NRG3: variants seen among roughly 807,000 people sequenced by gnomAD.
The protein encoded by NRG3 is neuregulin 3, also known as pro-neuregulin-3, membrane-bound isoform.
In NRG3, 31 loss-of-function variants were observed where a neutral mutation model predicts 66.9. That is an observed-to-expected ratio of 0.46 (90% CI 0.35 to 0.63). The LOEUF is 0.63. NRG3 is among the 20% of genes least tolerant of loss of function. The probability of loss-of-function intolerance (pLI) is 0.00; values close to 1 mark genes in which losing one functional copy is unlikely to be tolerated. For missense variants in NRG3, 910 were observed against 878.9 expected (o/e 1.04, Z -0.45); for synonymous variants, 393 against 359.4 (o/e 1.09, Z -1.06).
chr10:82,192,489 C>T (rs900822045), intron 1 of NRG3, among the ~76,000 whole-genome samples: 4 of 152,096 alleles, frequency 2.6e-5, no homozygotes, highest in Admixed American at 6.6e-5. Flanking sequence ...AAGATATCCA[C>T]CTATTGTCTA....
chr10:82,670,941 G>A (rs2053222054), intron 2 of NRG3, among the ~76,000 whole-genome samples: 1 of 152,148 alleles, frequency 6.6e-6, no homozygotes, highest in African/African-American at 2.4e-5. Flanking sequence ...CTCCTTAGAG[G>A]GTTGAACAAG....
At chr10:82,671,939 C>A (rs183869402) in intron 2 of NRG3, among the ~76,000 whole-genome samples, 18 of 152,332 alleles carry the variant, frequency 1.2e-4, no homozygotes, top group Admixed American at 1.2e-3. Flanking sequence ...CTACTCTCTT[C>A]ACTGTCTATA....
intron 1 of NRG3, chr10:82,228,962 T>G (rs775043211): frequency 2.0e-5 from 3 of 152,284 alleles, no homozygotes; most frequent in Non-Finnish European, 2.9e-5. Context: ...TGAAGCAAGC[T>G]TCAAGGGAAA....
At chr10:82,251,380 G>C (rs1407437158) in intron 1 of NRG3, among the ~76,000 whole-genome samples, 1 of 152,144 alleles carries the variant, frequency 6.6e-6, no homozygotes, top group East Asian at 1.9e-4. Flanking sequence ...TTGTCCTGCT[G>C]AGCGACAGGA....
chr10:81,987,585 G>T lies in NRG3; in HGVS notation c.823+111422G>T, dbSNP rs368088690. On this transcript the variant is annotated intron_variant, in intron 1 of 8. Coordinates refer to ENST00000372141, the MANE Select transcript of NRG3 (RefSeq NM_001010848.4). ...CAAATGGCAAAATGGCTTTTGGAGG[G>T]TATGTAATGTAGTTAAAATTTGATT... Among the ~76,000 whole-genome samples, 21 of 152,248 alleles carry T rather than the reference G, an allele frequency of 1.4e-4. No individual in the cohort carries two copies. The East Asian group carries it at 2.7e-3, about 20-fold the overall frequency.
At chr10:82,429,288 TTAAC>T (rs1325959588) in intron 2 of NRG3, among the ~76,000 whole-genome samples, 3 of 152,108 alleles carry the variant, frequency 2.0e-5, no homozygotes, top group Non-Finnish European at 4.4e-5. Flanking sequence ...CCTATGTACT[TTAAC>T]TAGTGCTTTT....
At chr10:82,199,360 C>G (rs2074646254) in intron 1 of NRG3, among the ~76,000 whole-genome samples, 2 of 152,110 alleles carry the variant, frequency 1.3e-5, no homozygotes, top group African/African-American at 2.4e-5. Context: ...GCTTCTCTCC[C>G]TGCACTCTAA....
chr10:82,420,228 CAG>C (rs1428733887), intron 2 of NRG3, among the ~76,000 whole-genome samples: 1 of 152,106 alleles, frequency 6.6e-6, no homozygotes, highest in Non-Finnish European at 1.5e-5. Context: ...AAACAATCCT[CAG>C]AGATCTTGTC....
In NRG3 at chr10:82,044,550, C is replaced by A. The variant is rs1336675331; in HGVS notation, c.823+168387C>A. 2.0e-5 allele frequency among the ~76,000 whole-genome samples: 3 copies of A among 152,108 alleles called. No individual in the cohort carries two copies. In the East Asian group the frequency reaches 5.8e-4, roughly 30 times the overall value. On this transcript the variant is annotated intron_variant, in intron 1 of 8. Transcript: ENST00000372141. ...ATCAGTGTTTTTCCCCCATTAACAT[C>A]ATAACGAAATAATTTTTTTTAATTT... is the stretch of plus-strand genomic sequence containing the variant.
intron 5 of NRG3, among the ~76,000 whole-genome samples, chr10:82,954,207 AC>A (rs1477127049): frequency 1.3e-5 from 2 of 151,970 alleles, no homozygotes; most frequent in Non-Finnish European, 2.9e-5. Flanking sequence ...CTTAACAATA[AC>A]CAAATTACAA....
intron 1 of NRG3, among the ~76,000 whole-genome samples, chr10:82,312,772 G>A (rs1175789565): frequency 2.6e-5 from 4 of 151,692 alleles, no homozygotes; most frequent in Admixed American, 2.0e-4. Flanking sequence ...CTCCCTTAGA[G>A]CTTTCTTTTT....
At chr10:82,474,600 G>A (rs2132084263) in intron 2 of NRG3, among the ~76,000 whole-genome samples, 1 of 152,240 alleles carries the variant, frequency 6.6e-6, no homozygotes, top group East Asian at 1.9e-4. Context: ...GAAGAAAAGT[G>A]AATGGAGCCT....
intron 3 of NRG3, among the ~76,000 whole-genome samples, chr10:82,743,465 C>T (rs2058514844): frequency 6.6e-6 from 1 of 152,034 alleles, no homozygotes; most frequent in African/African-American, 2.4e-5. Context: ...CAGGAAGAAC[C>T]ACTTCACAAG....
At chr10:82,942,844 A>T (rs1848688858) in intron 4 of NRG3, among the ~76,000 whole-genome samples, 1 of 152,216 alleles carries the variant, frequency 6.6e-6, no homozygotes. Flanking sequence ...GAGAGTGTGA[A>T]AGACAGAGCC....
chr10:82,413,652 A>C (rs2088299883), intron 2 of NRG3, among the ~76,000 whole-genome samples: 1 of 152,158 alleles, frequency 6.6e-6, no homozygotes, highest in East Asian at 1.9e-4. Flanking sequence ...CCTTCCATTA[A>C]AAAGCTGTTT....
At chr10:82,651,351 A>G (rs1028655260) in intron 2 of NRG3, among the ~76,000 whole-genome samples, 8 of 152,242 alleles carry the variant, frequency 5.3e-5, no homozygotes, top group African/African-American at 1.7e-4. Context: ...AGGGGAAAAG[A>G]AAAGATATGT....
rs75766002 is a variant in NRG3 at position 82,821,108 on chromosome 10, T to C, written c.1028-44303T>C. On this transcript the variant is annotated intron_variant, in intron 3 of 8. Coordinates refer to ENST00000372141, the MANE Select transcript of NRG3 (RefSeq NM_001010848.4). ...TTCTTTTCTATCCATTTCATGACCT[T>C]GTTTTATTTCAAGCACTATCACAGA... Among the ~76,000 whole-genome samples, 500 of 152,322 alleles carry C rather than the reference T, an allele frequency of 3.3e-3. 6 individuals carry two copies. Among genetic ancestry groups the C allele is most frequent in the African/African-American group, 0.011 (476 of 41,576 alleles).
chr10:82,304,509 T>G (rs373053099), intron 1 of NRG3, among the ~76,000 whole-genome samples: 2 of 152,210 alleles, frequency 1.3e-5, no homozygotes, highest in African/African-American at 2.4e-5. Context: ...TTGAATTTAT[T>G]TCTTCTTTAT....
intron 2 of NRG3, among the ~76,000 whole-genome samples, chr10:82,647,523 A>G (rs2051039933): frequency 6.6e-6 from 1 of 152,188 alleles, no homozygotes; most frequent in Non-Finnish European, 1.5e-5. Context: ...TATATCCAGT[A>G]ATGGGATGGC....
Sources: allele counts gnomAD v4.1 joint callset (sites outside exome capture counted in the v4.1 genomes callset), GRCh38; gene constraint gnomAD v4.1.1; transcripts MANE v1.5; gene names NCBI Gene and HGNC (gene_info 2026-07-23, HGNC 2026-07-21).